FBXO34: variants seen among roughly 807,000 people sequenced by gnomAD.
FBXO34 encodes F-box only protein 34.
In FBXO34, 12 loss-of-function variants were observed where a neutral mutation model predicts 24.5. The ratio of observed to expected loss-of-function variants is 0.49; its 90% confidence interval spans 0.31 to 0.79. The LOEUF (loss-of-function observed/expected upper bound fraction) is 0.79, where lower values mean the gene tolerates loss of function less well. Ranked by LOEUF, FBXO34 falls within the 30% of genes least tolerant of loss-of-function variation. FBXO34 has a pLI of 0.04. For synonymous variants in FBXO34, 320 were observed against 311.9 expected, an observed-to-expected ratio of 1.03 and a Z score of -0.27; for missense variants, 823 against 857.7, an observed-to-expected ratio of 0.96 and a Z score of 0.51.
chr14:55,321,410 C>CTT (rs371710800), intron 1 of FBXO34, among the ~76,000 whole-genome samples: 2 of 144,088 alleles, frequency 1.4e-5, no homozygotes, highest in Non-Finnish European at 1.5e-5. Context: ...TGCAATGTTT[C>CTT]TTTTTTTTTT....
rs1481952015 is a variant in FBXO34 at position 55,352,314 on chromosome 14, G to C, written c.1924G>C (p.Gly642Arg). The change falls in exon 2 of 2, where the codon GGG becomes CGG. Residue 642 changes from glycine to arginine, a missense_variant. Gly to Arg is a moderately radical substitution (Grantham distance 125). Coordinates refer to ENST00000313833, the MANE Select transcript of FBXO34 (RefSeq NM_017943.4). ...ACAGTGCAAGAAAAAGTATGTGAAA[G>C]GGGATGTGTCCCTGTGCCGATGGCA... ...CKQCKKKYVKGDVSLCRWHPK... is the reference protein window; with the variant it reads ...CKQCKKKYVKRDVSLCRWHPK... 6.2e-7 allele frequency: 1 copy of C among 1,614,142 alleles called. No individual in the cohort carries two copies. The highest frequency in any genetic ancestry group is 8.5e-7 in the Non-Finnish European group (1 of 1,179,974).
At chr14:55,316,474 C>G (rs752188463) in intron 1 of FBXO34, among the ~76,000 whole-genome samples, 37 of 151,658 alleles carry the variant, frequency 2.4e-4, no homozygotes, top group Non-Finnish European at 1.0e-4. Flanking sequence ...CACCTGTAAT[C>G]CCAGCACTTT....
the FBXO34 span, among the ~76,000 whole-genome samples, chr14:55,408,925 T>C: frequency 6.6e-6 from 1 of 152,276 alleles, no homozygotes; most frequent in South Asian, 2.1e-4. Flanking sequence ...TCGTATGCCA[T>C]AGTAAGGAGC....
chr14:55,357,529 T>G (rs570344210), downstream of FBXO34, among the ~76,000 whole-genome samples: 6 of 152,266 alleles, frequency 3.9e-5, no homozygotes, highest in South Asian at 1.2e-3. Flanking sequence ...TCAGATCTGT[T>G]TATTAAGAAG....
chr14:55,418,334 C>T, the FBXO34 span, among the ~76,000 whole-genome samples: 3 of 152,184 alleles, frequency 2.0e-5, no homozygotes, highest in African/African-American at 7.2e-5. Flanking sequence ...TTCATCCCTA[C>T]CCCTTAGTCA....
In FBXO34 at chr14:55,323,218, A is replaced by AATATAT. The variant is rs1555337921; in HGVS notation, c.-10-27160_-10-27155dup. On this transcript the variant is annotated intron_variant, in intron 1 of 1. Transcript: ENST00000313833. ...AAAAAAAAAAAAAAAAAAAAAAAAA[A>AATATAT]ATATATATTTTTTTTTTTTTTTTTT... Among the ~76,000 whole-genome samples the AATATAT allele has an allele frequency of 4.7e-3, 150 of 31,626 alleles. 8 individuals are homozygous for AATATAT. The highest frequency in any genetic ancestry group is 7.2e-3 in the South Asian group (5 of 698). 20.7% of individuals were successfully genotyped at this position (31,626 alleles called of 152,430 possible).
the FBXO34 span, among the ~76,000 whole-genome samples, chr14:55,400,285 CA>C: frequency 6.6e-6 from 1 of 152,226 alleles, no homozygotes; most frequent in African/African-American, 2.4e-5. Flanking sequence ...TCACTATATT[CA>C]AACCAAATTT....
chr14:55,357,525 C>A (rs1466607229), downstream of FBXO34, among the ~76,000 whole-genome samples: 3 of 152,164 alleles, frequency 2.0e-5, no homozygotes, highest in Non-Finnish European at 4.4e-5. Flanking sequence ...AGTCTCAGAT[C>A]TGTTTATTAA....
At chr14:55,377,379 C>T in the FBXO34 span, among the ~76,000 whole-genome samples, 17 of 151,902 alleles carry the variant, frequency 1.1e-4, no homozygotes, top group South Asian at 8.3e-4. Flanking sequence ...ATTGTTACGA[C>T]GGACAAGGAG....
chr14:55,388,795 T>C, the FBXO34 span, among the ~76,000 whole-genome samples: 1 of 152,174 alleles, frequency 6.6e-6, no homozygotes, highest in East Asian at 1.9e-4. Context: ...ACATGTACAT[T>C]CTAAAAGAGC....
chr14:55,296,794 A>C (rs895346398), intron 1 of FBXO34, among the ~76,000 whole-genome samples: 1 of 152,190 alleles, frequency 6.6e-6, no homozygotes, highest in Non-Finnish European at 1.5e-5. Context: ...AGCAATTTTT[A>C]ATTTAAAATT....
chr14:55,305,273 A>G lies in FBXO34; in HGVS notation c.-11+33736A>G, dbSNP rs370167304. Among the ~76,000 whole-genome samples the G allele has an allele frequency of 2.0e-4, 31 of 152,230 alleles. No homozygotes were observed. In the South Asian group the frequency reaches 6.4e-3, roughly 32 times the overall value. Reference sequence around the variant, plus strand: ...CTAAAATAAAAAAAGTTAGCTGGGCATGGTGGTGCGCACCTGTAGTCCCAG... The same window carrying G: ...CTAAAATAAAAAAAGTTAGCTGGGCGTGGTGGTGCGCACCTGTAGTCCCAG... On this transcript the variant is annotated intron_variant, in intron 1 of 1. Transcript: ENST00000313833.
chr14:55,304,674 A>T (rs1056502631), intron 1 of FBXO34, among the ~76,000 whole-genome samples: 2 of 150,306 alleles, frequency 1.3e-5, no homozygotes, highest in Non-Finnish European at 3.0e-5. Context: ...TAATTTTTAC[A>T]TTTTTAGTAG....
chr14:55,401,038 C>A, the FBXO34 span, among the ~76,000 whole-genome samples: 1 of 152,094 alleles, frequency 6.6e-6, no homozygotes, highest in Non-Finnish European at 1.5e-5. Flanking sequence ...ATACAGTTTA[C>A]AACCCCACCA....
chr14:55,355,639 A>G (rs779467432), downstream of FBXO34, among the ~76,000 whole-genome samples: 1 of 152,216 alleles, frequency 6.6e-6, no homozygotes, highest in Non-Finnish European at 1.5e-5. Flanking sequence ...ATGGGAGGCT[A>G]TGCATTGGTT....
chr14:55,341,659 G>T (rs891286562), intron 1 of FBXO34, among the ~76,000 whole-genome samples: 1 of 152,036 alleles, frequency 6.6e-6, no homozygotes, highest in Non-Finnish European at 1.5e-5. Context: ...TAATTTTTTT[G>T]GACTTTAACT....
At chr14:55,426,189 C>A in the FBXO34 span, among the ~76,000 whole-genome samples, 4 of 151,526 alleles carry the variant, frequency 2.6e-5, no homozygotes, top group African/African-American at 9.7e-5. Flanking sequence ...ATCACTTGAA[C>A]CCTGGGGGGT....
intron 1 of FBXO34, chr14:55,326,153 G>A (rs904285234): frequency 1.3e-5 from 2 of 152,170 alleles, no homozygotes; most frequent in African/African-American, 4.8e-5. Context: ...AAAATCCCCC[G>A]AGTTGAGGTT....
chr14:55,404,384 T>C, the FBXO34 span, among the ~76,000 whole-genome samples: 1 of 152,198 alleles, frequency 6.6e-6, no homozygotes, highest in African/African-American at 2.4e-5. Context: ...ATCCTTACAC[T>C]GCCCTCTGGG....
Sources: gnomAD v4.1 joint callset for allele counts (sites outside exome capture counted in the v4.1 genomes callset) on GRCh38, gnomAD v4.1.1 for gene constraint, MANE v1.5 for transcripts, NCBI Gene and HGNC (gene_info 2026-07-23, HGNC 2026-07-21) for gene names.